The following ACOT7 variants were observed in gnomAD, a reference collection of about 807,000 sequenced individuals.
ACOT7 encodes acyl-CoA thioesterase 7, also known as cytosolic acyl coenzyme A thioester hydrolase.
Under a neutral mutation model 40.2 loss-of-function variants are expected in ACOT7, and 12 were observed. The observed-to-expected ratio is 0.30, with a 90% CI of 0.19 to 0.48. The LOEUF is 0.48. Ranked by LOEUF, ACOT7 falls within the 20% of genes least tolerant of loss-of-function variation. The pLI is 0.99. For missense variants in ACOT7, 395 were observed against 530.8 expected (o/e 0.74, Z 2.51); for synonymous variants, 228 against 219.5 (o/e 1.04, Z -0.34).
intron 7 of ACOT7, among the ~76,000 whole-genome samples, chr1:6,285,219 G>C (rs2148384086): frequency 6.6e-6 from 1 of 152,322 alleles, no homozygotes; most frequent in African/African-American, 2.4e-5. Context: ...ACAGACTCAA[G>C]CTGGCCAGAG....
chr1:6,344,166 G>A (rs1009594612), intron 2 of ACOT7, among the ~76,000 whole-genome samples: 8 of 152,226 alleles, frequency 5.3e-5, no homozygotes, highest in African/African-American at 1.4e-4. Context: ...GACGCAGTGG[G>A]AGACATGGAC....
chr1:6,349,653 G>C lies in ACOT7; in HGVS notation c.261+96C>G, dbSNP rs557740523. 3.4e-6 allele frequency: 4 copies of C among 1,192,392 alleles called. No homozygotes were observed. In the East Asian group the frequency reaches 1.0e-4, roughly 31 times the overall value. 73.9% of individuals were successfully genotyped at this position (1,192,392 alleles called of 1,614,324 possible). On this transcript the variant is annotated intron_variant, in intron 2 of 8. Transcript: ENST00000361521. ...TCCCAAGGCCCAGTGCACAAGGGGA[G>C]GGAAGGCTGCAGGCCTGGCTCCCCG...
In ACOT7 at chr1:6,393,348, C is replaced by A. The variant is rs768584764; in HGVS notation, c.52G>T (p.Ala18Ser). 5.6e-6 allele frequency: 7 copies of A among 1,249,718 alleles called. No individual in the cohort carries two copies. The African/African-American group carries it at 6.2e-5, about 11-fold the overall frequency. The allele number at this position is 1,249,718 out of a possible 1,614,324, so 77.4% of individuals were successfully genotyped here. Residue 18 changes from alanine (A) to serine (S), a missense_variant, in exon 1 of 9, where the codon GCC (alanine) becomes TCC (serine). Coordinates refer to ENST00000361521, the MANE Select transcript of ACOT7 (RefSeq NM_007274.4). ...GATGCGGCGGGCGGCTGCAGAAGGGCGCAGGTGTCTGGCAGGCCCGGCGCG... is the reference window on the plus strand; with the variant it reads ...GATGCGGCGGGCGGCTGCAGAAGGGAGCAGGTGTCTGGCAGGCCCGGCGCG... ...HSAPGLPDTC[A>S]LLQPPAASAA...
chr1:6,384,663 C>T (rs1056044875), intron 1 of ACOT7, among the ~76,000 whole-genome samples: 2 of 151,714 alleles, frequency 1.3e-5, no homozygotes, highest in Admixed American at 6.6e-5. Flanking sequence ...AGCGCTAACC[C>T]GCTAATCCTC....
intron 6 of ACOT7, among the ~76,000 whole-genome samples, chr1:6,308,522 G>C (rs990039783): frequency 6.6e-6 from 1 of 151,630 alleles, no homozygotes; most frequent in Non-Finnish European, 1.5e-5. Context: ...ACCGGGCAGA[G>C]GGAACCACAA....
intron 6 of ACOT7, among the ~76,000 whole-genome samples, chr1:6,315,717 C>T (rs1640470034): frequency 7.0e-6 from 1 of 142,458 alleles, no homozygotes; most frequent in African/African-American, 2.6e-5. Flanking sequence ...CGCCACTACA[C>T]TCCAGCCTGG....
chr1:6,384,342 CA>C (rs1642401190), intron 1 of ACOT7, among the ~76,000 whole-genome samples: 1 of 151,750 alleles, frequency 6.6e-6, no homozygotes, highest in Non-Finnish European at 1.5e-5. Context: ...GGCTAGAATT[CA>C]AAAGATGGAT....
At chr1:6,286,728 G>T (rs1639514292) in intron 7 of ACOT7, among the ~76,000 whole-genome samples, 1 of 152,166 alleles carries the variant, frequency 6.6e-6, no homozygotes, top group Non-Finnish European at 1.5e-5. Context: ...GGCCACCTGG[G>T]CATTTTGGGG....
chr1:6,369,469 C>T (rs1336882902), intron 1 of ACOT7, among the ~76,000 whole-genome samples: 1 of 143,708 alleles, frequency 7.0e-6, no homozygotes, highest in Non-Finnish European at 1.5e-5. Context: ...TGCAATGGCA[C>T]AATCTCAGCT....
chr1:6,296,678 C>T (rs534150527), intron 6 of ACOT7, among the ~76,000 whole-genome samples: 2 of 152,304 alleles, frequency 1.3e-5, no homozygotes, highest in East Asian at 3.9e-4. Context: ...CCACTTCAGC[C>T]TCCCAAAATG....
intron 6 of ACOT7, among the ~76,000 whole-genome samples, chr1:6,315,548 G>A (rs1640466094): frequency 6.6e-6 from 1 of 151,976 alleles, no homozygotes; most frequent in Non-Finnish European, 1.5e-5. Context: ...TCAGGAGATC[G>A]AGACCATCCT....
intron 1 of ACOT7, among the ~76,000 whole-genome samples, chr1:6,374,206 T>A (rs909456395): frequency 1.2e-4 from 19 of 152,140 alleles, no homozygotes; most frequent in African/African-American, 3.6e-4. Flanking sequence ...TGCGCCCACG[T>A]CCCTCAGCCC....
chr1:6,333,610 G>A (rs752719097), intron 3 of ACOT7, 42 bp from the exon 4 acceptor site: 1 of 1,604,106 alleles, frequency 6.2e-7, no homozygotes, highest in Admixed American at 1.7e-5. Context: ...CCGGGAGACG[G>A]GGTGGGAATG....
intron 6 of ACOT7, among the ~76,000 whole-genome samples, chr1:6,305,023 G>A (rs960024695): frequency 4.7e-5 from 7 of 148,460 alleles, no homozygotes; most frequent in Non-Finnish European, 6.0e-5. Flanking sequence ...CGGGCGGGGC[G>A]CTGACCCCCC....
chr1:6,269,575 A>T (rs560453212), intron 8 of ACOT7, among the ~76,000 whole-genome samples: 2 of 152,242 alleles, frequency 1.3e-5, no homozygotes, highest in South Asian at 4.1e-4. Context: ...GGTGCAGGTC[A>T]TTCTCAGGGT....
At chr1:6,347,428 C>T (rs983164331) in intron 2 of ACOT7, among the ~76,000 whole-genome samples, 1 of 152,236 alleles carries the variant, frequency 6.6e-6, no homozygotes, top group Non-Finnish European at 1.5e-5. Flanking sequence ...TGTTCAATCT[C>T]TCTGTACCTC....
intron 4 of ACOT7, among the ~76,000 whole-genome samples, chr1:6,329,490 A>AT (rs890348400): frequency 4.7e-4 from 69 of 147,436 alleles, no homozygotes; most frequent in Non-Finnish European, 6.9e-4. Context: ...TTTTAAAGGG[A>AT]TTTTTTTTTT....
At chr1:6,266,351 T>C (rs1638851842) in intron 8 of ACOT7, among the ~76,000 whole-genome samples, 1 of 152,200 alleles carries the variant, frequency 6.6e-6, no homozygotes, top group Non-Finnish European at 1.5e-5. Context: ...CCTGAAGACA[T>C]ACATGGCTAC....
chr1:6,331,492 A>C lies in ACOT7; in HGVS notation c.510+1985T>G, dbSNP rs1640954414. On this transcript the variant is annotated intron_variant, in intron 4 of 8. Coordinates refer to ENST00000361521, the MANE Select transcript of ACOT7 (RefSeq NM_007274.4). ...CGCAGGGCCTTGCCCATACCTTTGCACTTCTGGCCTCCAGAACTGTGACAG... is the reference window on the plus strand; with the variant it reads ...CGCAGGGCCTTGCCCATACCTTTGCCCTTCTGGCCTCCAGAACTGTGACAG... Among the ~76,000 whole-genome samples the C allele has an allele frequency of 2.0e-5, 3 of 152,342 alleles. No individual in the cohort carries two copies. In the South Asian group the frequency reaches 6.2e-4, roughly 32 times the overall value.
Sources: gnomAD v4.1 joint callset for allele counts (sites outside exome capture counted in the v4.1 genomes callset) on GRCh38, gnomAD v4.1.1 for gene constraint, MANE v1.5 for transcripts, NCBI Gene and HGNC (gene_info 2026-07-23, HGNC 2026-07-21) for gene names.